SCUBE1: variants seen among roughly 807,000 people sequenced by gnomAD.
SCUBE1 encodes signal peptide, CUB and EGF-like domain-containing protein 1.
SCUBE1 carries 59 observed loss-of-function variants against 124.4 expected under a neutral mutation model. That is an observed-to-expected ratio of 0.47 (90% CI 0.38 to 0.59). The LOEUF (loss-of-function observed/expected upper bound fraction) is 0.59, where lower values mean the gene tolerates loss of function less well. SCUBE1 is among the 20% of genes least tolerant of loss of function. The pLI is 0.00. For missense variants in SCUBE1, 1,150 were observed against 1,371.2 expected, an observed-to-expected ratio of 0.84 and a Z score of 2.55; for synonymous variants, 545 against 550.9, an observed-to-expected ratio of 0.99 and a Z score of 0.15.
intron 4 of SCUBE1, among the ~76,000 whole-genome samples, chr22:43,276,203 TA>T (rs927223302): frequency 2.0e-5 from 3 of 152,164 alleles, no homozygotes; most frequent in African/African-American, 7.2e-5. Context: ...GGTCCCCGTC[TA>T]GGGGACAGTT....
Position 43,335,034 on chromosome 22 carries a change from C to A in SCUBE1, c.220+4070G>T, listed in dbSNP as rs561782067. The stretch of plus-strand genomic sequence containing the variant: ...AACAGAAAGCCACAGATAGGAATAA[C>A]CACCTGCAGAAACACAGTGTGGAGA... On this transcript the variant is annotated intron_variant, in intron 2 of 21. Transcript: ENST00000360835. 6.6e-5 allele frequency among the ~76,000 whole-genome samples: 10 copies of A among 152,310 alleles called. No individual in the cohort carries two copies. In the South Asian group the frequency reaches 2.1e-3, roughly 32 times the overall value.
intron 6 of SCUBE1, among the ~76,000 whole-genome samples, chr22:43,253,482 G>A (rs1395121548): frequency 6.6e-6 from 1 of 152,144 alleles, no homozygotes; most frequent in African/African-American, 2.4e-5. Context: ...TCTAAGGGGT[G>A]GTATGGGAGG....
chr22:43,214,672 G>A (rs559047220), intron 15 of SCUBE1, among the ~76,000 whole-genome samples: 6 of 152,362 alleles, frequency 3.9e-5, no homozygotes, highest in African/African-American at 1.2e-4. Flanking sequence ...GGAGGAGTTA[G>A]GGGCAGTGGG....
chr22:43,225,052 T>C (rs886955878), intron 10 of SCUBE1, among the ~76,000 whole-genome samples: 4 of 152,214 alleles, frequency 2.6e-5, no homozygotes, highest in Non-Finnish European at 5.9e-5. Flanking sequence ...TCTAAAATGT[T>C]AGGAGACAAA....
At chr22:43,219,244 A>G (rs1282438871) in intron 14 of SCUBE1, among the ~76,000 whole-genome samples, 1 of 151,860 alleles carries the variant, frequency 6.6e-6, no homozygotes, top group African/African-American at 2.4e-5. Context: ...ACGAGATGTG[A>G]CTGGTGAAGA....
In SCUBE1 at chr22:43,210,325, C is replaced by T; in HGVS notation, c.2384-85G>A. On this transcript the variant is annotated intron_variant, in intron 18 of 21. Transcript: ENST00000360835. The surrounding 1 kb of genome is among the most constrained non-coding windows in gnomAD (Gnocchi z 4.5). The stretch of plus-strand genomic sequence containing the variant: ...CCAGGCCTCTAACCACCTGGGAGGC[C>T]TAGGGCAGGGCTGGAAGGTGCTCTT... 1 of 1,243,808 alleles carries T rather than the reference C, an allele frequency of 8.0e-7. No individual in the cohort carries two copies. The highest frequency in any genetic ancestry group is 1.1e-6 in the Non-Finnish European group (1 of 927,708). The allele number at this position is 1,243,808 out of a possible 1,614,324, so 77.0% of individuals were successfully genotyped here.
At chr22:43,287,218 A>G (rs1460532688) in intron 4 of SCUBE1, among the ~76,000 whole-genome samples, 1 of 152,212 alleles carries the variant, frequency 6.6e-6, no homozygotes, top group East Asian at 1.9e-4. Context: ...CCTCCTGCCC[A>G]GTGTGGGCAC....
chr22:43,231,617 C>T (rs1036765495), intron 8 of SCUBE1, 136 bp downstream of exon 8: 18 of 1,046,112 alleles, frequency 1.7e-5, no homozygotes, highest in East Asian at 8.0e-5. Flanking sequence ...CCCCTAGAGT[C>T]GTAAAGGACC....
At chr22:43,300,770 C>T (rs1354191489) in intron 3 of SCUBE1, among the ~76,000 whole-genome samples, 1 of 152,066 alleles carries the variant, frequency 6.6e-6, no homozygotes, top group Non-Finnish European at 1.5e-5. Flanking sequence ...AGGCTCTTCC[C>T]TCGCCCCCAC....
At chr22:43,301,026 C>T (rs964670733) in intron 3 of SCUBE1, among the ~76,000 whole-genome samples, 5 of 152,210 alleles carry the variant, frequency 3.3e-5, no homozygotes, top group Admixed American at 3.3e-4. Flanking sequence ...TGCCCTCAGC[C>T]TTCCCCAGCT....
intron 2 of SCUBE1, among the ~76,000 whole-genome samples, chr22:43,335,913 ATGGTGATGATGG>A (rs1227608219): frequency 1.3e-5 from 2 of 151,000 alleles, no homozygotes. Context: ...GATAATGATG[ATGGTGATGATGG>A]TGGTGATGAT....
Position 43,220,435 on chromosome 22 carries a change from G to A in SCUBE1, c.1687+15C>T, listed in dbSNP as rs1922041896. On this transcript the variant is annotated intron_variant, in intron 14 of 21. Coordinates refer to ENST00000360835, the MANE Select transcript of SCUBE1 (RefSeq NM_173050.5). ...TTCAGGCCTGCAGAAGCCCCCAGGA[G>A]AACCCCTCACCTACCTGAGGCCTCT... 1 of 1,611,888 alleles carries A rather than the reference G, an allele frequency of 6.2e-7. No homozygotes were observed. The highest frequency in any genetic ancestry group is 8.5e-7 in the Non-Finnish European group (1 of 1,178,560).
chr22:43,234,540 A>T lies in SCUBE1; in HGVS notation c.845-2665T>A, dbSNP rs548239500. Among the ~76,000 whole-genome samples the T allele has an allele frequency of 6.6e-6, 1 of 152,302 alleles. No individual in the cohort carries two copies. The highest frequency in any genetic ancestry group is 1.9e-4 in the East Asian group (1 of 5,180). ...AGGCAGAGGGAGGCATGTCTGCCTG[A>T]GGCCCGGGCTGGTGTAGCTGGCTGC... On this transcript the variant is annotated intron_variant, in intron 7 of 21. Transcript: ENST00000360835. This position sits in a 1 kb window ranked among gnomAD's most constrained non-coding sequence, Gnocchi z 4.4.
intron 21 of SCUBE1, among the ~76,000 whole-genome samples, chr22:43,205,360 C>T (rs1921180697): frequency 6.6e-6 from 1 of 152,026 alleles, no homozygotes; most frequent in Admixed American, 6.5e-5. Context: ...GCACTGGCTG[C>T]CACCCTGGGC....
chr22:43,228,609 G>T (rs145924410), intron 9 of SCUBE1, among the ~76,000 whole-genome samples: 170 of 152,266 alleles, frequency 1.1e-3, no homozygotes, highest in Middle Eastern at 6.8e-3. Context: ...CTGCCTCTCG[G>T]TCCTTCTGTC....
intron 7 of SCUBE1, among the ~76,000 whole-genome samples, chr22:43,235,499 C>G (rs140675125): frequency 1.3e-5 from 2 of 152,016 alleles, no homozygotes; most frequent in African/African-American, 4.8e-5. Flanking sequence ...TGCTCCCACT[C>G]GGGTAAAAGC....
Position 43,260,482 on chromosome 22 carries a change from A to C in SCUBE1, c.611-2147T>G, listed in dbSNP as rs150208584. Among the ~76,000 whole-genome samples the C allele has an allele frequency of 5.2e-3, 786 of 152,356 alleles. 13 individuals are homozygous for C. Among genetic ancestry groups the C allele is most frequent in the African/African-American group, 0.018 (768 of 41,584 alleles). On this transcript the variant is annotated intron_variant, in intron 5 of 21. Coordinates refer to ENST00000360835, the MANE Select transcript of SCUBE1 (RefSeq NM_173050.5). ...GCCCTGCAGTCCTCTTGAGCCACAG[A>C]GGCTGCTTGGCTAAGCCAGGCCTCA...
chr22:43,254,247 C>T (rs1296670484), intron 6 of SCUBE1, among the ~76,000 whole-genome samples: 2 of 152,172 alleles, frequency 1.3e-5, no homozygotes, highest in Non-Finnish European at 2.9e-5. Flanking sequence ...AGAAAGAGGG[C>T]CACACCTGTC....
intron 3 of SCUBE1, among the ~76,000 whole-genome samples, chr22:43,304,626 T>A (rs1265203657): frequency 6.6e-6 from 1 of 151,990 alleles, no homozygotes; most frequent in Non-Finnish European, 1.5e-5. Flanking sequence ...AATCTCTGGG[T>A]CTAAGACCAG....
Sources: gnomAD v4.1 joint callset for allele counts (sites outside exome capture counted in the v4.1 genomes callset) on GRCh38, gnomAD v4.1.1 for gene constraint, Gnocchi (gnomAD v3.1) non-coding constraint, MANE v1.5 for transcripts, NCBI Gene and HGNC (gene_info 2026-07-23, HGNC 2026-07-21) for gene names.